Variants in KCNG3 observed in about 807,000 individuals in gnomAD.
KCNG3 encodes potassium voltage-gated channel modifier subfamily G member 3.
Under a neutral mutation model 29.0 loss-of-function variants are expected in KCNG3, and 15 were observed. The ratio of observed to expected loss-of-function variants is 0.52; its 90% confidence interval spans 0.35 to 0.80. The LOEUF is 0.80. KCNG3 is among the 30% of genes least tolerant of loss of function. The pLI is 0.01. For missense variants in KCNG3, 512 were observed against 605.7 expected, an observed-to-expected ratio of 0.85 and a Z score of 1.62; for synonymous variants, 322 against 248.9, an observed-to-expected ratio of 1.29 and a Z score of -2.76.
At chr2:42,481,539 T>G (rs1158100605) in intron 1 of KCNG3, among the ~76,000 whole-genome samples, 2 of 152,178 alleles carry the variant, frequency 1.3e-5, no homozygotes, top group African/African-American at 4.8e-5. Context: ...AAATTCTCTA[T>G]TCTCCTCAAA....
chr2:42,426,249 T>A, the KCNG3 span, among the ~76,000 whole-genome samples: 10 of 152,296 alleles, frequency 6.6e-5, no homozygotes, highest in Admixed American at 1.3e-4. Flanking sequence ...TAATCCCATA[T>A]TAAAATAGAA....
chr2:42,400,235 A>G, the KCNG3 span, among the ~76,000 whole-genome samples: 95 of 152,332 alleles, frequency 6.2e-4, no homozygotes, highest in Non-Finnish European at 1.1e-3. Context: ...CCCAATTGGA[A>G]GGAAACACAA....
chr2:42,467,667 C>CAA (rs58517605), intron 1 of KCNG3, among the ~76,000 whole-genome samples: 9 of 120,520 alleles, frequency 7.5e-5, no homozygotes, highest in African/African-American at 2.2e-4. Context: ...GACTCTGTTT[C>CAA]AAAAAAAAAA....
At chr2:42,484,616 C>T (rs1673676986) in intron 1 of KCNG3, among the ~76,000 whole-genome samples, 1 of 152,156 alleles carries the variant, frequency 6.6e-6, no homozygotes, top group Admixed American at 6.5e-5. Flanking sequence ...GAAGAATACC[C>T]AGAAACTGGG....
intron 1 of KCNG3, among the ~76,000 whole-genome samples, chr2:42,465,672 C>T (rs1487806134): frequency 2.0e-5 from 3 of 151,958 alleles, no homozygotes; most frequent in Non-Finnish European, 4.4e-5. Context: ...TAAAAGACAC[C>T]ACTAAGAAAA....
chr2:42,393,068 G>A, the KCNG3 span, among the ~76,000 whole-genome samples: 1 of 152,208 alleles, frequency 6.6e-6, no homozygotes, highest in South Asian at 2.1e-4. Flanking sequence ...GGGCAAAATA[G>A]CTAATCTCTC....
chr2:42,451,536 C>G (rs752780441), intron 1 of KCNG3, among the ~76,000 whole-genome samples: 1 of 151,734 alleles, frequency 6.6e-6, no homozygotes. Context: ...ACCAGCCTGG[C>G]CAACATGGTG....
At chr2:42,491,616 A>T (rs888708458) in intron 1 of KCNG3, among the ~76,000 whole-genome samples, 2 of 152,328 alleles carry the variant, frequency 1.3e-5, no homozygotes, top group African/African-American at 4.8e-5. Flanking sequence ...CTAATTCACT[A>T]AACAAAATGA....
the KCNG3 span, among the ~76,000 whole-genome samples, chr2:42,390,631 G>A: frequency 6.6e-6 from 1 of 152,142 alleles, no homozygotes; most frequent in African/African-American, 2.4e-5. Context: ...AGACTCCTCT[G>A]AATAAGGCCA....
At position 42,493,053 on chromosome 2, in the gene KCNG3, G is replaced by T; in HGVS notation, c.449C>A (p.Ser150Tyr). ...CCGCATGCGCTCCAGCCAGCGCCTG[G>T]AGGGAGCCGCCTCGGCCCCGCCGGG... is the stretch of plus-strand genomic sequence containing the variant. ...ARPGGAEAAP[S>Y]RRWLERMRRT... Residue 150 changes from serine to tyrosine, a missense_variant, in exon 1 of 2, where the codon TCC becomes TAC. Ser to Tyr is a moderately radical substitution (Grantham distance 144). Around this residue, in one of 5 missense-constraint regions of KCNG3, gnomAD observed 228 missense variants for 200.0 expected, o/e 1.14. Coordinates refer to ENST00000306078, the MANE Select transcript of KCNG3 (RefSeq NM_133329.6). 8 of 1,526,224 alleles carry T rather than the reference G, an allele frequency of 5.2e-6. No individual in the cohort carries two copies. Among genetic ancestry groups the T allele is most frequent in the Non-Finnish European group, 7.0e-6 (8 of 1,141,264 alleles). 94.5% of individuals were successfully genotyped at this position (1,526,224 alleles called of 1,614,324 possible).
the KCNG3 span, among the ~76,000 whole-genome samples, chr2:42,426,663 A>G: frequency 3.9e-5 from 6 of 152,368 alleles, no homozygotes; most frequent in South Asian, 8.3e-4. Context: ...TTTTTTCCAT[A>G]AAGTCTTCAC....
the KCNG3 span, among the ~76,000 whole-genome samples, chr2:42,433,072 T>A: frequency 6.6e-6 from 1 of 152,190 alleles, no homozygotes; most frequent in African/African-American, 2.4e-5. Flanking sequence ...ACTGCAATTT[T>A]TCCCCCAAGA....
chr2:42,408,213 G>A, the KCNG3 span, among the ~76,000 whole-genome samples: 23 of 152,238 alleles, frequency 1.5e-4, no homozygotes, highest in Admixed American at 2.6e-4. Context: ...GAACAGCAGC[G>A]GGAGGCAAGA....
At chr2:42,458,280 G>A (rs1199272899) in intron 1 of KCNG3, among the ~76,000 whole-genome samples, 1 of 152,104 alleles carries the variant, frequency 6.6e-6, no homozygotes, top group Non-Finnish European at 1.5e-5. Flanking sequence ...CTCTTTTCCT[G>A]CAATCACCTC....
rs761246748 is a variant in KCNG3, at chr2:42,493,103, G to C, written c.399C>G (p.Gly133=). Residue 133 remains glycine (G), a synonymous_variant, in exon 1 of 2, where the codon GGC becomes GGG. Coordinates refer to ENST00000306078, the MANE Select transcript of KCNG3 (RefSeq NM_133329.6). ...GGCGCGCCTCGTCGCGGCCCAGCAC[G>C]CCCGGCTCGTCGGCCGAGTAGAAGG... ...TYTFYSADEP[G]VLGRDEARPG... is the part of the protein sequence containing the mutation. The C allele has an allele frequency of 1.9e-6, 3 of 1,586,760 alleles. No individual in the cohort carries two copies. The African/African-American group carries it at 4.0e-5, about 21-fold the overall frequency.
At chr2:42,424,446 A>C in the KCNG3 span, among the ~76,000 whole-genome samples, 1 of 152,010 alleles carries the variant, frequency 6.6e-6, no homozygotes, top group African/African-American at 2.4e-5. Context: ...TAAAAAAAAA[A>C]AAAAAACCCA....
At chr2:42,477,067 C>A (rs900621987) in intron 1 of KCNG3, among the ~76,000 whole-genome samples, 1 of 150,492 alleles carries the variant, frequency 6.6e-6, no homozygotes, top group African/African-American at 2.4e-5. Context: ...TGGCAGGCAC[C>A]TGTAGTCCCA....
At chr2:42,431,222 G>C in the KCNG3 span, among the ~76,000 whole-genome samples, 1,031 of 152,146 alleles carry the variant, frequency 6.8e-3, 11 homozygotes, top group African/African-American at 0.024. Context: ...AATAATTGGG[G>C]ATCCTGCTAT....
At chr2:42,483,953 G>A (rs1042468058) in intron 1 of KCNG3, among the ~76,000 whole-genome samples, 8 of 151,952 alleles carry the variant, frequency 5.3e-5, no homozygotes, top group Non-Finnish European at 1.2e-4. Context: ...CACCACACCC[G>A]GCTAAATTTT....
Sources: allele counts gnomAD v4.1 joint callset (sites outside exome capture counted in the v4.1 genomes callset), GRCh38; gene constraint gnomAD v4.1.1; regional missense constraint gnomAD v4.1.1; transcripts MANE v1.5; gene names NCBI Gene and HGNC (gene_info 2026-07-23, HGNC 2026-07-21).